Variants in GRIK2 observed in about 807,000 individuals in gnomAD.
The protein encoded by GRIK2 is glutamate ionotropic receptor kainate type subunit 2.
Under a neutral mutation model 100.3 loss-of-function variants are expected in GRIK2, and 32 were observed. The observed-to-expected ratio is 0.32, with a 90% CI of 0.24 to 0.43. The LOEUF is 0.43. GRIK2 is among the 20% of genes least tolerant of loss of function. The pLI is 1.00. For missense variants in GRIK2, 843 were observed against 1,114.9 expected (o/e 0.76, Z 3.47); for synonymous variants, 417 against 389.4 (o/e 1.07, Z -0.83).
chr6:101,994,423 ATTTG>A, intron 14 of GRIK2, among the ~76,000 whole-genome samples: 1 of 151,838 alleles, frequency 6.6e-6, no homozygotes, highest in East Asian at 1.9e-4. Flanking sequence ...ATAGTGAATA[ATTTG>A]TTTTTCTCTT....
At chr6:101,627,139 G>C (rs1410100318) in intron 4 of GRIK2, among the ~76,000 whole-genome samples, 1 of 149,602 alleles carries the variant, frequency 6.7e-6, no homozygotes, top group African/African-American at 2.5e-5. Context: ...GTGTGTGTGT[G>C]TGTGTGTGTG....
chr6:101,646,713 T>C (rs1000130895), intron 4 of GRIK2, among the ~76,000 whole-genome samples: 1 of 151,948 alleles, frequency 6.6e-6, no homozygotes, highest in East Asian at 1.9e-4. Flanking sequence ...TTTGAGATTC[T>C]TTGTCAGTGG....
Position 101,754,453 on chromosome 6 carries a change from G to A in GRIK2, c.952-45195G>A, listed in dbSNP as rs1316575852. 3.3e-5 allele frequency among the ~76,000 whole-genome samples: 5 copies of A among 152,262 alleles called. No individual in the cohort carries two copies. In the South Asian group the frequency reaches 1.0e-3, roughly 32 times the overall value. ...TTCTAGTTCAGATTTTCTGTCTTACGTAGCTGTCTGATTTGGGGCATTTCA... is the reference window on the plus strand; with the variant it reads ...TTCTAGTTCAGATTTTCTGTCTTACATAGCTGTCTGATTTGGGGCATTTCA... On this transcript the variant is annotated intron_variant, in intron 7 of 16. Transcript: ENST00000369134.
intron 4 of GRIK2, among the ~76,000 whole-genome samples, chr6:101,661,652 A>G (rs1172839928): frequency 6.6e-6 from 1 of 152,078 alleles, no homozygotes; most frequent in Non-Finnish European, 1.5e-5. Flanking sequence ...AGACTGTGGG[A>G]AAAGCATAGT....
chr6:102,050,761 A>G (rs186579034), intron 15 of GRIK2, among the ~76,000 whole-genome samples: 224 of 151,692 alleles, frequency 1.5e-3, no homozygotes, highest in Admixed American at 2.6e-3. Flanking sequence ...AGGGAGGGAA[A>G]AAAGGAGAAA....
At chr6:102,052,905 C>G (rs1771272615) in intron 15 of GRIK2, among the ~76,000 whole-genome samples, 1 of 151,954 alleles carries the variant, frequency 6.6e-6, no homozygotes, top group African/African-American at 2.4e-5. Flanking sequence ...ATGGTGAAAC[C>G]CCCTCTGTAC....
At chr6:101,692,653 A>C (rs1005351702) in intron 7 of GRIK2, among the ~76,000 whole-genome samples, 3 of 152,058 alleles carry the variant, frequency 2.0e-5, no homozygotes, top group African/African-American at 7.2e-5. Flanking sequence ...TGTTTTCCGT[A>C]ATCATTTATG....
At chr6:101,576,884 TCA>T in intron 2 of GRIK2, among the ~76,000 whole-genome samples, 1 of 148,160 alleles carries the variant, frequency 6.7e-6, no homozygotes, top group African/African-American at 2.6e-5. Flanking sequence ...AAGATCCATT[TCA>T]GGAAAAAAAA....
chr6:101,987,273 A>G (rs1454374347), intron 14 of GRIK2, among the ~76,000 whole-genome samples: 1 of 151,866 alleles, frequency 6.6e-6, no homozygotes, highest in African/African-American at 2.4e-5. Context: ...CATTGGTGAA[A>G]AAACACTTGT....
In GRIK2 at chr6:102,069,738, ATG is replaced by A. The variant is rs1215552859; in HGVS notation, c.*1231_*1232del. 1.3e-5 allele frequency: 2 copies of A among 152,074 alleles called. No homozygotes were observed. The highest frequency in any genetic ancestry group is 3.9e-4 in the East Asian group (2 of 5,192). The allele number at this position is 152,074 out of a possible 1,614,324, so 9.4% of individuals were successfully genotyped here. On this transcript the variant is annotated 3_prime_UTR_variant, in exon 17 of 17. Coordinates refer to ENST00000369134, the MANE Select transcript of GRIK2 (RefSeq NM_021956.5). ...TACTTTTTATCAACAAAACAAGAAC[ATG>A]TGTTCCTGTCAGGGGTGTGATGTCA...
At chr6:101,633,916 C>CT (rs1473599918) in intron 4 of GRIK2, among the ~76,000 whole-genome samples, 8 of 152,126 alleles carry the variant, frequency 5.3e-5, no homozygotes, top group African/African-American at 1.9e-4. Context: ...GGTTTTGAAA[C>CT]TAGGCAGTCA....
chr6:101,455,227 A>G (rs1402442935), intron 2 of GRIK2, among the ~76,000 whole-genome samples: 1 of 152,100 alleles, frequency 6.6e-6, no homozygotes, highest in African/African-American at 2.4e-5. Flanking sequence ...TTGTGCATAT[A>G]AAAGAGAAGA....
chr6:101,762,896 G>A (rs1036773739), intron 7 of GRIK2, among the ~76,000 whole-genome samples: 12 of 152,118 alleles, frequency 7.9e-5, no homozygotes, highest in African/African-American at 2.9e-4. Flanking sequence ...TTTTAAAAAT[G>A]TATTTGTTTT....
At chr6:101,802,548 C>G in intron 9 of GRIK2, 110 bp downstream of exon 9, 1 of 432,920 alleles carries the variant, frequency 2.3e-6, no homozygotes, top group Non-Finnish European at 4.2e-6. Flanking sequence ...TATTGAGTAA[C>G]TCTAAAAATA....
chr6:102,065,699 C>A, intron 16 of GRIK2: 1 of 673,382 alleles, frequency 1.5e-6, no homozygotes, highest in Non-Finnish European at 2.4e-6. Flanking sequence ...TCAAACGATT[C>A]AATGTTACAC....
chr6:101,991,433 T>C (rs1215605805), intron 14 of GRIK2, among the ~76,000 whole-genome samples: 1 of 150,956 alleles, frequency 6.6e-6, no homozygotes, highest in Admixed American at 6.6e-5. Flanking sequence ...TTTTGTTTTG[T>C]AAATAATAAT....
intron 7 of GRIK2, among the ~76,000 whole-genome samples, chr6:101,756,447 TGA>T (rs1777145044): frequency 6.7e-6 from 1 of 149,004 alleles, no homozygotes; most frequent in African/African-American, 2.5e-5. Flanking sequence ...ATTTATAATC[TGA>T]AAATAATCTG....
intron 14 of GRIK2, among the ~76,000 whole-genome samples, chr6:102,022,538 A>C (rs1456647066): frequency 6.6e-6 from 1 of 151,744 alleles, no homozygotes; most frequent in Non-Finnish European, 1.5e-5. Flanking sequence ...AAAAACAAAC[A>C]AACAAACTTA....
chr6:101,410,015 T>G (rs1363643325), intron 2 of GRIK2, among the ~76,000 whole-genome samples: 1 of 152,076 alleles, frequency 6.6e-6, no homozygotes, highest in Non-Finnish European at 1.5e-5. Flanking sequence ...ATTTAGTTAC[T>G]TGATAGAAGA....
Sources: allele counts gnomAD v4.1 joint callset (sites outside exome capture counted in the v4.1 genomes callset), GRCh38; gene constraint gnomAD v4.1.1; transcripts MANE v1.5; gene names NCBI Gene and HGNC (gene_info 2026-07-23, HGNC 2026-07-21).